The following GNB4 variants were observed in gnomAD, a reference collection of about 807,000 sequenced individuals.
GNB4 encodes G protein subunit beta 4, also known as guanine nucleotide-binding protein subunit beta-4.
Under a neutral mutation model 45.2 loss-of-function variants are expected in GNB4, and 28 were observed. The ratio of observed to expected loss-of-function variants is 0.62; its 90% CI spans 0.46 to 0.85. The LOEUF is 0.85. Ranked by LOEUF, GNB4 falls within the 40% of genes least tolerant of loss-of-function variation. GNB4 has a pLI of 0.00. For missense variants in GNB4, 321 were observed against 425.4 expected (o/e 0.75, Z 2.16); for synonymous variants, 132 against 143.7 (o/e 0.92, Z 0.58).
the GNB4 span, among the ~76,000 whole-genome samples, chr3:179,509,991 TTTTTA>T: frequency 3.6e-4 from 55 of 152,172 alleles, 1 homozygote; most frequent in African/African-American, 1.2e-3. Flanking sequence ...GCCCAGCTAA[TTTTTA>T]TTTTATTTTA....
the GNB4 span, among the ~76,000 whole-genome samples, chr3:179,468,031 T>TTTAAAAAAAAAA: frequency 1.5e-5 from 1 of 67,288 alleles, no homozygotes; most frequent in African/African-American, 6.1e-5. Flanking sequence ...ATTTTGTTGA[T>TTTAAAAAAAAAA]AAAAATATAT....
the GNB4 span, among the ~76,000 whole-genome samples, chr3:179,491,272 A>G: frequency 6.6e-6 from 1 of 152,212 alleles, no homozygotes; most frequent in Non-Finnish European, 1.5e-5. Context: ...ACATAAGAGA[A>G]TAGAGGTTCA....
chr3:179,491,887 G>T, the GNB4 span, among the ~76,000 whole-genome samples: 1 of 152,156 alleles, frequency 6.6e-6, no homozygotes, highest in South Asian at 2.1e-4. Flanking sequence ...ATATCTAGGA[G>T]ATCTGAAGTG....
At chr3:179,517,331 T>C in the GNB4 span, among the ~76,000 whole-genome samples, 4 of 152,134 alleles carry the variant, frequency 2.6e-5, no homozygotes, top group African/African-American at 9.7e-5. Flanking sequence ...AATTTTCCTT[T>C]ACCTACCCAA....
chr3:179,433,995 TGG>T (rs1715378394), intron 1 of GNB4, among the ~76,000 whole-genome samples: 1 of 152,158 alleles, frequency 6.6e-6, no homozygotes, highest in African/African-American at 2.4e-5. Flanking sequence ...TCTCAACCAA[TGG>T]TTAGCAAAGT....
the GNB4 span, among the ~76,000 whole-genome samples, chr3:179,515,550 T>A: frequency 6.6e-6 from 1 of 152,180 alleles, no homozygotes; most frequent in African/African-American, 2.4e-5. Context: ...GAGAAGGAAT[T>A]TCACAAGGTA....
At chr3:179,500,600 T>C in the GNB4 span, among the ~76,000 whole-genome samples, 1 of 152,212 alleles carries the variant, frequency 6.6e-6, no homozygotes, top group Non-Finnish European at 1.5e-5. Context: ...TTTAAAGTAG[T>C]CTTTTCCAAT....
At chr3:179,444,052 T>TC (rs1055576302) in intron 1 of GNB4, among the ~76,000 whole-genome samples, 5 of 152,152 alleles carry the variant, frequency 3.3e-5, no homozygotes, top group East Asian at 3.9e-4. Flanking sequence ...GAACACACAA[T>TC]CCCCCCGATT....
chr3:179,468,204 A>G, the GNB4 span, among the ~76,000 whole-genome samples: 2 of 150,964 alleles, frequency 1.3e-5, no homozygotes, highest in Non-Finnish European at 3.0e-5. Flanking sequence ...TCTCTAAAAA[A>G]CAAAAACAAG....
chr3:179,496,340 AT>A, the GNB4 span, among the ~76,000 whole-genome samples: 1 of 152,146 alleles, frequency 6.6e-6, no homozygotes, highest in Non-Finnish European at 1.5e-5. Flanking sequence ...AGGGAATGAA[AT>A]CAGAGCATAT....
chr3:179,526,391 A>G, the GNB4 span, among the ~76,000 whole-genome samples: 1 of 152,354 alleles, frequency 6.6e-6, no homozygotes, highest in East Asian at 1.9e-4. Context: ...CCCAGATTGT[A>G]TAGCTAGAAA....
the GNB4 span, among the ~76,000 whole-genome samples, chr3:179,517,290 G>A: frequency 6.6e-6 from 1 of 151,184 alleles, no homozygotes; most frequent in African/African-American, 2.4e-5. Context: ...CCCCACCCCT[G>A]CCTACCAGAG....
chr3:179,425,970 T>C (rs1283123958), intron 2 of GNB4, among the ~76,000 whole-genome samples, 174 bp downstream of exon 2: 4 of 152,242 alleles, frequency 2.6e-5, no homozygotes, highest in Non-Finnish European at 5.9e-5. Context: ...TGAAGAGTTC[T>C]TTCGAGACAT....
chr3:179,431,388 C>G (rs145986750), intron 1 of GNB4, among the ~76,000 whole-genome samples: 1,864 of 152,104 alleles, frequency 0.012, 39 homozygotes, highest in African/African-American at 0.04. Context: ...GAAACCCCAT[C>G]TCTACTAAAA....
At chr3:179,429,930 G>A (rs1715255493) in intron 1 of GNB4, among the ~76,000 whole-genome samples, 1 of 152,092 alleles carries the variant, frequency 6.6e-6, no homozygotes, top group Admixed American at 6.6e-5. Flanking sequence ...TCTTGCAGCA[G>A]ATGACCTTGC....
the GNB4 span, among the ~76,000 whole-genome samples, chr3:179,493,132 G>A: frequency 6.6e-6 from 1 of 152,104 alleles, no homozygotes; most frequent in African/African-American, 2.4e-5. Context: ...TCCCTCAACT[G>A]TGCACACATC....
chr3:179,526,155 C>T, the GNB4 span, among the ~76,000 whole-genome samples: 31,833 of 151,902 alleles, frequency 0.21, 3,570 homozygotes, highest in Admixed American at 0.31. Context: ...CGGGCAGGGG[C>T]GGGGGTCACA....
At chr3:179,468,035 A>AAAAAAAAAAAAAAATATATATAT in the GNB4 span, among the ~76,000 whole-genome samples, 2 of 89,864 alleles carry the variant, frequency 2.2e-5, no homozygotes, top group Admixed American at 1.1e-4. Flanking sequence ...TGTTGATAAA[A>AAAAAAAAAAAAAAATATATATAT]ATATATATAT....
chr3:179,471,507 C>G, the GNB4 span, among the ~76,000 whole-genome samples: 2 of 152,188 alleles, frequency 1.3e-5, no homozygotes, highest in African/African-American at 4.8e-5. Flanking sequence ...GTATTTAGTA[C>G]AGTGCCATGC....
Sources: allele counts gnomAD v4.1 joint callset (sites outside exome capture counted in the v4.1 genomes callset), GRCh38; gene constraint gnomAD v4.1.1; transcripts MANE v1.5; gene names NCBI Gene and HGNC (gene_info 2026-07-23, HGNC 2026-07-21).